PTPRJ: variants seen among roughly 807,000 people sequenced by gnomAD.
PTPRJ encodes the protein receptor-type tyrosine-protein phosphatase eta.
PTPRJ carries 129 observed loss-of-function variants against 141.3 expected under a neutral mutation model. That is an observed-to-expected ratio of 0.91 (90% CI 0.79 to 1.06). The LOEUF is 1.06. PTPRJ is among the 50% of genes least tolerant of loss of function. The pLI, the probability that PTPRJ is intolerant of heterozygous loss-of-function variation, is 0.00. For missense variants in PTPRJ, 1,601 were observed against 1,679.7 expected (o/e 0.95, Z 0.82); for synonymous variants, 610 against 640.5 (o/e 0.95, Z 0.72).
intron 1 of PTPRJ, among the ~76,000 whole-genome samples, chr11:48,041,381 T>G (rs1205296268): frequency 6.6e-6 from 1 of 152,236 alleles, no homozygotes; most frequent in Non-Finnish European, 1.5e-5. Flanking sequence ...ACTGTGTGCA[T>G]GCATTCCATG....
intron 6 of PTPRJ, among the ~76,000 whole-genome samples, chr11:48,126,061 C>T (rs1423019061): frequency 1.3e-5 from 2 of 151,838 alleles, no homozygotes; most frequent in East Asian, 1.9e-4. Flanking sequence ...TATGTGGGTG[C>T]GGTTGGCAGT....
At chr11:48,137,755 G>A (rs572635689) in intron 10 of PTPRJ, among the ~76,000 whole-genome samples, 1 of 152,308 alleles carries the variant, frequency 6.6e-6, no homozygotes, top group East Asian at 1.9e-4. Flanking sequence ...CGCAGGAACA[G>A]GAGGATATAG....
intron 7 of PTPRJ, 86 bp downstream of exon 7, chr11:48,128,129 G>A (rs762538875): frequency 1.8e-5 from 27 of 1,482,406 alleles, no homozygotes; most frequent in Non-Finnish European, 2.5e-5. Context: ...TGTAGTAATG[G>A]TGACTGTTGG....
rs1391213256 is a variant in PTPRJ at position 48,170,243 on chromosome 11, C to CT, written c.*2882dup. ...GGGGGATTTGGGCCATTGATAGCAT[C>CT]TCCCAGGAACAACGACTTTTTGCCT... On this transcript the variant is annotated 3_prime_UTR_variant, in exon 25 of 25. Transcript: ENST00000418331. The CT allele has an allele frequency of 6.6e-6, 1 of 152,192 alleles. No individual in the cohort carries two copies. Among genetic ancestry groups the CT allele is most frequent in the Non-Finnish European group, 1.5e-5 (1 of 68,058 alleles). The allele number at this position is 152,192 out of a possible 1,614,324, so 9.4% of individuals were successfully genotyped here. A position where few individuals can be genotyped will look rare whatever the true frequency, so the allele number is the denominator to read the frequency against.
At chr11:48,112,190 G>T (rs2134327184) in intron 2 of PTPRJ, among the ~76,000 whole-genome samples, 1 of 152,336 alleles carries the variant, frequency 6.6e-6, no homozygotes, top group South Asian at 2.1e-4. Flanking sequence ...CTAGAAGTCA[G>T]ACAGAACGTC....
chr11:48,157,764 C>T (rs1857647853), intron 21 of PTPRJ, among the ~76,000 whole-genome samples: 1 of 152,210 alleles, frequency 6.6e-6, no homozygotes, highest in Non-Finnish European at 1.5e-5. Context: ...AGAGATGACG[C>T]CCATCCTCAT....
chr11:47,989,871 G>A (rs1854145625), intron 1 of PTPRJ, among the ~76,000 whole-genome samples: 2 of 152,118 alleles, frequency 1.3e-5, no homozygotes, highest in African/African-American at 2.4e-5. Flanking sequence ...CACCTCATTA[G>A]CTGTGTGATC....
intron 1 of PTPRJ, among the ~76,000 whole-genome samples, chr11:48,057,761 C>G (rs541369108): frequency 6.6e-6 from 1 of 152,190 alleles, no homozygotes; most frequent in African/African-American, 2.4e-5. Context: ...ATCACAATGA[C>G]TATTAAAGAA....
chr11:48,050,929 A>G (rs563524116), intron 1 of PTPRJ, among the ~76,000 whole-genome samples: 23 of 152,080 alleles, frequency 1.5e-4, no homozygotes, highest in African/African-American at 4.6e-4. Context: ...TGTTTTATAC[A>G]TCTCATGGGA....
intron 1 of PTPRJ, among the ~76,000 whole-genome samples, chr11:48,082,736 AT>A (rs1259264303): frequency 6.6e-6 from 1 of 151,906 alleles, no homozygotes; most frequent in Non-Finnish European, 1.5e-5. Flanking sequence ...ACATGGTGGA[AT>A]ATCAGAGGTT....
chr11:48,049,250 A>C (rs1854488943), intron 1 of PTPRJ, among the ~76,000 whole-genome samples: 2 of 152,142 alleles, frequency 1.3e-5, no homozygotes, highest in African/African-American at 4.8e-5. Context: ...GTGACAGCCA[A>C]AATGTCTGCA....
intron 16 of PTPRJ, 137 bp from the exon 17 acceptor site, chr11:48,149,853 A>G (rs1423757308): frequency 1.6e-6 from 1 of 633,758 alleles, no homozygotes; most frequent in African/African-American, 1.9e-5. Flanking sequence ...GTGTTTTGTG[A>G]ATAATAGTAC....
chr11:48,080,211 G>T (rs147726992), intron 1 of PTPRJ, among the ~76,000 whole-genome samples: 1 of 152,176 alleles, frequency 6.6e-6, no homozygotes, highest in African/African-American at 2.4e-5. Flanking sequence ...AAAGCCGGTT[G>T]GTACTGGAAC....
intron 1 of PTPRJ, among the ~76,000 whole-genome samples, chr11:48,038,980 T>G (rs1854200332): frequency 6.7e-6 from 1 of 150,152 alleles, no homozygotes; most frequent in South Asian, 2.1e-4. Flanking sequence ...GAAACCCCCG[T>G]CTCTACTAAA....
At chr11:48,069,754 CAATT>C (rs932504054) in intron 1 of PTPRJ, among the ~76,000 whole-genome samples, 4 of 152,092 alleles carry the variant, frequency 2.6e-5, no homozygotes, top group African/African-American at 9.7e-5. Context: ...CTTGCATTGA[CAATT>C]AATTTGTTTA....
chr11:48,137,400 G>C, intron 10 of PTPRJ, 119 bp downstream of exon 10: 1 of 1,067,980 alleles, frequency 9.4e-7, no homozygotes, highest in South Asian at 1.6e-5. Flanking sequence ...TGGACATTGA[G>C]CTTTCCGAGG....
chr11:48,072,775 A>G (rs1323646611), intron 1 of PTPRJ, among the ~76,000 whole-genome samples: 3 of 152,132 alleles, frequency 2.0e-5, no homozygotes, highest in African/African-American at 7.2e-5. Context: ...GTGCAGGATG[A>G]TTTTAAATGT....
chr11:48,097,681 G>A (rs1856046890), intron 1 of PTPRJ, among the ~76,000 whole-genome samples: 2 of 151,996 alleles, frequency 1.3e-5, no homozygotes, highest in African/African-American at 4.8e-5. Context: ...GGGACTACAG[G>A]TATACACTGC....
rs1243418780 is a variant in PTPRJ, at chr11:47,980,980, T to C, written c.68T>C (p.Leu23Pro). 1.9e-6 allele frequency: 2 copies of C among 1,066,924 alleles called. No homozygotes were observed. The highest frequency in any genetic ancestry group is 2.3e-6 in the Non-Finnish European group (2 of 875,650). 66.1% of individuals were successfully genotyped at this position (1,066,924 alleles called of 1,614,324 possible). The change falls in exon 1 of 25, where the codon CTG becomes CCG. Residue 23 changes from leucine (L) to proline (P), a missense_variant. Leu to Pro is a moderately conservative substitution (Grantham distance 98). Coordinates refer to ENST00000418331, the MANE Select transcript of PTPRJ (RefSeq NM_002843.4). ...CCCGGGCTGCGCTGGGCGCTGCCGC[T>C]GCTGCTGCTGCTGCTGCGCCTGGGC... is the stretch of plus-strand genomic sequence containing the variant. ...RSPGLRWALP[L>P]LLLLLRLGQI...
Sources: gnomAD v4.1 joint callset for allele counts (sites outside exome capture counted in the v4.1 genomes callset) on GRCh38, gnomAD v4.1.1 for gene constraint, MANE v1.5 for transcripts, NCBI Gene and HGNC (gene_info 2026-07-23, HGNC 2026-07-21) for gene names.